The following STK39 variants were observed in gnomAD, a reference collection of about 807,000 sequenced individuals.
STK39 encodes serine/threonine kinase 39.
STK39 carries 20 observed loss-of-function variants against 77.8 expected under a neutral mutation model. The observed-to-expected ratio is 0.26, with a 90% CI of 0.18 to 0.37. The LOEUF is 0.37. STK39 is among the 10% of genes least tolerant of loss of function. STK39 has a pLI of 1.00. For missense variants in STK39, 479 were observed against 656.5 expected (o/e 0.73, Z 2.95); for synonymous variants, 246 against 234.1 (o/e 1.05, Z -0.47).
intron 14 of STK39, among the ~76,000 whole-genome samples, chr2:168,057,441 C>T (rs1685554227): frequency 1.3e-5 from 2 of 152,242 alleles, no homozygotes; most frequent in South Asian, 4.1e-4. Context: ...GATCTGCCTG[C>T]CTTGGCCTCC....
chr2:168,074,580 G>A (rs1008205843), intron 12 of STK39, among the ~76,000 whole-genome samples: 2 of 152,138 alleles, frequency 1.3e-5, no homozygotes. Flanking sequence ...CTACTTTATT[G>A]CAAACAAAAA....
chr2:168,002,464 G>A (rs188806536), intron 16 of STK39, among the ~76,000 whole-genome samples: 8 of 152,296 alleles, frequency 5.3e-5, no homozygotes, highest in African/African-American at 1.9e-4. Context: ...CTGGAGAGCT[G>A]GTCATTCTAT....
At chr2:168,141,068 C>A (rs1172186345) in intron 5 of STK39, among the ~76,000 whole-genome samples, 1 of 152,060 alleles carries the variant, frequency 6.6e-6, no homozygotes, top group African/African-American at 2.4e-5. Flanking sequence ...GCCAACATGC[C>A]CGAGTATGTC....
intron 16 of STK39, among the ~76,000 whole-genome samples, chr2:168,002,851 C>T (rs984800894): frequency 2.0e-5 from 3 of 152,144 alleles, no homozygotes; most frequent in Non-Finnish European, 4.4e-5. Flanking sequence ...TGTGTGTGCA[C>T]GTGTGCTCTC....
At chr2:168,222,419 T>A (rs1690196215) in intron 1 of STK39, among the ~76,000 whole-genome samples, 1 of 152,012 alleles carries the variant, frequency 6.6e-6, no homozygotes, top group Admixed American at 6.6e-5. Flanking sequence ...ACGAGAGGAG[T>A]AGTAAGAGGG....
intron 12 of STK39, among the ~76,000 whole-genome samples, chr2:168,066,506 A>T (rs528903214): frequency 6.6e-6 from 1 of 152,380 alleles, no homozygotes; most frequent in African/African-American, 2.4e-5. Flanking sequence ...ATCTCTTGCA[A>T]AGAATCTTTC....
intron 14 of STK39, among the ~76,000 whole-genome samples, chr2:168,048,675 G>A (rs1018956080): frequency 2.0e-5 from 3 of 152,220 alleles, no homozygotes; most frequent in South Asian, 4.2e-4. Context: ...AACCACTCAA[G>A]CCTCCAATAA....
chr2:168,238,426 T>C (rs1441834799), intron 1 of STK39, among the ~76,000 whole-genome samples: 1 of 152,238 alleles, frequency 6.6e-6, no homozygotes, highest in Non-Finnish European at 1.5e-5. Flanking sequence ...CTGAGAGTTA[T>C]ACTAAATGCC....
intron 3 of STK39, 44 bp from the exon 4 acceptor site, chr2:168,163,924 A>G (rs1688637582): frequency 3.8e-6 from 6 of 1,596,072 alleles, no homozygotes; most frequent in Non-Finnish European, 5.1e-6. Context: ...CACCTTCATC[A>G]CCTTTTCAGA....
chr2:168,152,687 T>C (rs1688321393), intron 5 of STK39, among the ~76,000 whole-genome samples: 1 of 152,228 alleles, frequency 6.6e-6, no homozygotes, highest in Non-Finnish European at 1.5e-5. Context: ...ACTATTGTGC[T>C]GAACTGACAG....
rs757876668 is a variant in STK39, at chr2:168,138,176, C to G, written c.886G>C (p.Gly296Arg). 1 of 1,613,880 alleles carries G rather than the reference C, an allele frequency of 6.2e-7. No individual in the cohort carries two copies. Among genetic ancestry groups the G allele is most frequent in the Non-Finnish European group, 8.5e-7 (1 of 1,179,894 alleles). The change falls in exon 8 of 18, where the codon GGG (glycine) becomes CGG (arginine). Residue 296 changes from glycine (G) to arginine (R), a missense_variant. This residue lies in a region of STK39 where 244 missense variants were observed against 296.8 expected (regional missense o/e 0.82). Transcript: ENST00000355999. ...LQNDPPTLET[G>R]VEDKEMMKKY... ...TTCATCATTTCTTTATCCTCTACCC[C>G]TGTTTCCAAAGTGGGTGGATCATTT...
chr2:168,193,284 G>T (rs900057147), intron 1 of STK39, among the ~76,000 whole-genome samples: 1 of 152,120 alleles, frequency 6.6e-6, no homozygotes, highest in Non-Finnish European at 1.5e-5. Context: ...CCCTCTGCAT[G>T]GTAGAAGTCT....
intron 10 of STK39, among the ~76,000 whole-genome samples, chr2:168,124,933 T>C (rs2105497431): frequency 6.8e-6 from 1 of 148,022 alleles, no homozygotes; most frequent in South Asian, 2.1e-4. Context: ...TGAGAACACA[T>C]GGAGACAGGG....
intron 12 of STK39, among the ~76,000 whole-genome samples, chr2:168,067,057 A>G (rs1685815145): frequency 6.6e-6 from 1 of 152,162 alleles, no homozygotes; most frequent in African/African-American, 2.4e-5. Context: ...CTCCATCTCT[A>G]CTAAAAATAC....
chr2:168,017,190 T>C (rs1308507064), intron 14 of STK39, 95 bp from the exon 15 acceptor site: 6 of 745,788 alleles, frequency 8.0e-6, no homozygotes, highest in Non-Finnish European at 1.2e-5. Context: ...TACTAACATG[T>C]GGATAACATT....
At chr2:168,219,778 T>G (rs1690116776) in intron 1 of STK39, among the ~76,000 whole-genome samples, 2 of 152,062 alleles carry the variant, frequency 1.3e-5, no homozygotes, top group Admixed American at 1.3e-4. Flanking sequence ...GACGAGACAG[T>G]GTTCACAACT....
chr2:167,987,643 G>A (rs1683594871), intron 16 of STK39, among the ~76,000 whole-genome samples: 1 of 152,160 alleles, frequency 6.6e-6, no homozygotes, highest in South Asian at 2.1e-4. Context: ...AAATCCTAAT[G>A]TTTTAACAAA....
rs184193607 is a variant in STK39 at position 167,958,646 on chromosome 2, T to C, written c.1564-3076A>G. ...CACATGAAAAAAAAATCCAGCCTCA[T>C]ACAAATATATATGAAAGAGGGAAGA... On this transcript the variant is annotated intron_variant, in intron 17 of 17. Transcript: ENST00000355999. Among the ~76,000 whole-genome samples, 188 of 152,332 alleles carry C rather than the reference T, an allele frequency of 1.2e-3. 1 individual carries two copies. Among genetic ancestry groups the C allele is most frequent in the African/African-American group, 4.2e-3 (174 of 41,572 alleles).
chr2:168,128,891 C>A (rs559029369), intron 10 of STK39, among the ~76,000 whole-genome samples: 14 of 151,902 alleles, frequency 9.2e-5, no homozygotes, highest in African/African-American at 3.1e-4. Flanking sequence ...AATTTAAAAA[C>A]CAAACTAAAC....
Sources: allele counts gnomAD v4.1 joint callset (sites outside exome capture counted in the v4.1 genomes callset), GRCh38; gene constraint gnomAD v4.1.1; regional missense constraint gnomAD v4.1.1; transcripts MANE v1.5; gene names NCBI Gene and HGNC (gene_info 2026-07-23, HGNC 2026-07-21).